RARB: variants seen among roughly 807,000 people sequenced by gnomAD.
RARB encodes the protein HBV-activated protein.
In RARB, 17 loss-of-function variants were observed where a neutral mutation model predicts 51.9. The observed-to-expected ratio is 0.33, with a 90% CI of 0.22 to 0.49. The LOEUF (loss-of-function observed/expected upper bound fraction) is 0.49, where lower values mean the gene tolerates loss of function less well. Among genes scored for constraint, RARB ranks in the 20% least tolerant of loss-of-function variants. The pLI, the probability that RARB is intolerant of heterozygous loss-of-function variation, is 0.99. For missense variants in RARB, 369 were observed against 550.8 expected (o/e 0.67, Z 3.30); for synonymous variants, 215 against 195.4 (o/e 1.10, Z -0.84).
rs1706824059 is a variant in RARB at position 25,387,376 on chromosome 3, C to A, written c.179-73817C>A. Among the ~76,000 whole-genome samples the A allele has an allele frequency of 1.3e-5, 2 of 152,122 alleles. 1 individual carries two copies. The highest frequency in any genetic ancestry group is 4.2e-4 in the South Asian group (2 of 4,804). On this transcript the variant is annotated intron_variant, in intron 5 of 11. Coordinates refer to the RARB transcript ENST00000383772. ...CAAAGGTGAATTTTACCCAGATCACCCTCTTTCCTACAGCACCTTATGGGT... is the reference window on the plus strand; with the variant it reads ...CAAAGGTGAATTTTACCCAGATCACACTCTTTCCTACAGCACCTTATGGGT...
intron 3 of RARB, among the ~76,000 whole-genome samples, chr3:25,554,147 AG>A (rs771730933): frequency 2.0e-5 from 3 of 150,778 alleles, no homozygotes; most frequent in Non-Finnish European, 3.0e-5. Context: ...CCCGAGAGAA[AG>A]TATCTGTGCG....
intron 3 of RARB, among the ~76,000 whole-genome samples, chr3:25,551,304 A>G (rs1159529268): frequency 1.3e-5 from 2 of 152,168 alleles, no homozygotes; most frequent in African/African-American, 2.4e-5. Flanking sequence ...TTTACTGTTC[A>G]TTGTCATATA....
chr3:25,579,258 G>A (rs756855935), intron 4 of RARB, among the ~76,000 whole-genome samples: 13 of 152,210 alleles, frequency 8.5e-5, no homozygotes, highest in African/African-American at 3.1e-4. Context: ...CTTTTTTAAA[G>A]GTATAGTTTG....
intron 2 of RARB, among the ~76,000 whole-genome samples, chr3:24,950,087 A>G (rs1339974194): frequency 6.6e-6 from 1 of 152,236 alleles, no homozygotes; most frequent in Non-Finnish European, 1.5e-5. Context: ...GTTAGAAAGC[A>G]AGCCTAATCA....
intron 5 of RARB, among the ~76,000 whole-genome samples, chr3:25,357,150 A>G (rs1053725533): frequency 6.6e-6 from 1 of 152,158 alleles, no homozygotes; most frequent in African/African-American, 2.4e-5. Flanking sequence ...AAGCATTCCT[A>G]TTTCTTCACA....
intron 2 of RARB, among the ~76,000 whole-genome samples, chr3:24,937,389 T>A (rs1695568294): frequency 6.6e-6 from 1 of 152,160 alleles, no homozygotes; most frequent in East Asian, 1.9e-4. Flanking sequence ...TGCCAGAACC[T>A]GCCTTGACTC....
chr3:25,451,441 T>C (rs1709190459), intron 1 of RARB, among the ~76,000 whole-genome samples: 1 of 152,348 alleles, frequency 6.6e-6, no homozygotes, highest in Non-Finnish European at 1.5e-5. Flanking sequence ...TCTTTCTTTT[T>C]AGGAACCAAG....
In RARB at chr3:25,597,486, C is replaced by T. The variant is rs1413233908; in HGVS notation, c.*870C>T. On this transcript the variant is annotated 3_prime_UTR_variant, in exon 8 of 8. Coordinates refer to ENST00000330688, the MANE Select transcript of RARB (RefSeq NM_000965.5). ...CTTTTCAGTGTTAAGTTTTTGTTTA[C>T]TTGTTCACAAGCCATTAGGGAAATT... 1 of 152,600 alleles carries T rather than the reference C, an allele frequency of 6.6e-6. No homozygotes were observed. The highest frequency in any genetic ancestry group is 1.5e-5 in the Non-Finnish European group (1 of 68,034). The allele number at this position is 152,600 out of a possible 1,614,324, so 9.5% of individuals were successfully genotyped here.
chr3:25,427,677 A>G (rs1360577949), upstream of RARB, among the ~76,000 whole-genome samples: 1 of 152,228 alleles, frequency 6.6e-6, no homozygotes, highest in African/African-American at 2.4e-5. Flanking sequence ...CAATTCAGCC[A>G]GGGGCTTGCA....
chr3:25,166,194 T>C (rs1700557609), intron 4 of RARB, among the ~76,000 whole-genome samples: 1 of 152,156 alleles, frequency 6.6e-6, no homozygotes, highest in Non-Finnish European at 1.5e-5. Context: ...CATTACGGCT[T>C]CTCTTTAAGT....
intron 5 of RARB, among the ~76,000 whole-genome samples, chr3:25,321,822 T>C (rs1704578800): frequency 6.6e-6 from 1 of 151,672 alleles, no homozygotes; most frequent in South Asian, 2.1e-4. Context: ...AAGTTGTAAC[T>C]TCTCCCCAGA....
At chr3:25,124,837 C>T (rs1395596928) in intron 3 of RARB, among the ~76,000 whole-genome samples, 1 of 152,098 alleles carries the variant, frequency 6.6e-6, no homozygotes. Flanking sequence ...GACACTATAC[C>T]ATTGGTCACC....
chr3:25,225,752 A>G (rs543666315), intron 5 of RARB, among the ~76,000 whole-genome samples: 1 of 152,318 alleles, frequency 6.6e-6, no homozygotes, highest in East Asian at 1.9e-4. Flanking sequence ...GAGATAACCA[A>G]CACCAATATT....
intron 2 of RARB, among the ~76,000 whole-genome samples, chr3:25,051,911 C>A (rs1322330223): frequency 6.6e-6 from 1 of 152,136 alleles, no homozygotes; most frequent in Non-Finnish European, 1.5e-5. Flanking sequence ...GACTTTCTCA[C>A]AAAAGCTATG....
intron 3 of RARB, among the ~76,000 whole-genome samples, chr3:25,524,231 C>T (rs1283016688): frequency 6.6e-6 from 1 of 152,174 alleles, no homozygotes; most frequent in East Asian, 1.9e-4. Flanking sequence ...ACCGACAGTT[C>T]TAATGGACTC....
chr3:24,931,603 AGT>A (rs1217277336), intron 2 of RARB, among the ~76,000 whole-genome samples: 1 of 152,130 alleles, frequency 6.6e-6, no homozygotes, highest in Non-Finnish European at 1.5e-5. Flanking sequence ...AGTACAGCAA[AGT>A]GTGTGGTACA....
chr3:25,469,800 C>G (rs1186803764), intron 2 of RARB, among the ~76,000 whole-genome samples: 1 of 152,194 alleles, frequency 6.6e-6, no homozygotes, highest in Non-Finnish European at 1.5e-5. Flanking sequence ...GTAACTGGCT[C>G]AAGCCCAGCT....
At chr3:25,472,125 C>T (rs1464236950) in intron 2 of RARB, among the ~76,000 whole-genome samples, 1 of 152,218 alleles carries the variant, frequency 6.6e-6, no homozygotes, top group African/African-American at 2.4e-5. Flanking sequence ...CCAGGCTTAG[C>T]TGAAGTAAAA....
intron 4 of RARB, among the ~76,000 whole-genome samples, chr3:25,132,742 A>G (rs1283608724): frequency 1.3e-5 from 2 of 151,978 alleles, no homozygotes; most frequent in African/African-American, 4.8e-5. Flanking sequence ...TCTCACTACA[A>G]TGAAATAAGT....
Sources: gnomAD v4.1 joint callset for allele counts (sites outside exome capture counted in the v4.1 genomes callset) on GRCh38, gnomAD v4.1.1 for gene constraint, MANE v1.5 for transcripts, NCBI Gene and HGNC (gene_info 2026-07-23, HGNC 2026-07-21) for gene names.